Variants in SNTB2 observed in about 807,000 individuals in gnomAD.
SNTB2 encodes beta-2-syntrophin.
A neutral mutation model predicts 46.2 loss-of-function variants in SNTB2; 34 were observed. The ratio of observed to expected loss-of-function variants is 0.74; its 90% confidence interval spans 0.56 to 0.98. The LOEUF (loss-of-function observed/expected upper bound fraction) is 0.98. Among genes scored for constraint, SNTB2 ranks in the 50% least tolerant of loss-of-function variants. The pLI is 0.00. For synonymous variants in SNTB2, 290 were observed against 312.6 expected, an observed-to-expected ratio of 0.93 and a Z score of 0.76; for missense variants, 603 against 731.4, an observed-to-expected ratio of 0.82 and a Z score of 2.02.
At chr16:69,274,608 G>A (rs528503969) in intron 4 of SNTB2, among the ~76,000 whole-genome samples, 31 of 149,162 alleles carry the variant, frequency 2.1e-4, no homozygotes, top group Admixed American at 4.0e-4. Flanking sequence ...AGCCAAGATC[G>A]CGTCACTGCA....
At chr16:69,272,953 T>C (rs536754822) in intron 4 of SNTB2, among the ~76,000 whole-genome samples, 2 of 143,352 alleles carry the variant, frequency 1.4e-5, no homozygotes, top group Non-Finnish European at 3.1e-5. Flanking sequence ...AAAGAAGATA[T>C]ACAAATGGCC....
intron 1 of SNTB2, among the ~76,000 whole-genome samples, chr16:69,232,260 C>T (rs1472448825): frequency 1.3e-5 from 2 of 148,612 alleles, no homozygotes; most frequent in Non-Finnish European, 3.0e-5. Flanking sequence ...GGCTGGAGCG[C>T]AGTGGTGTGA....
At chr16:69,240,871 T>C (rs1354613451) in intron 1 of SNTB2, 1 of 152,464 alleles carries the variant, frequency 6.6e-6, no homozygotes, top group African/African-American at 2.4e-5. Flanking sequence ...TATTTGTTTG[T>C]TTGTTTGAGA....
At chr16:69,297,944 T>G (rs1447919857) in intron 5 of SNTB2, among the ~76,000 whole-genome samples, 1 of 151,872 alleles carries the variant, frequency 6.6e-6, no homozygotes, top group Admixed American at 6.6e-5. Context: ...TCTCTAAATC[T>G]CTCTTTTTAA....
At chr16:69,299,433 G>A (rs945691589) in intron 5 of SNTB2, among the ~76,000 whole-genome samples, 157 bp from the exon 6 acceptor site, 3 of 152,068 alleles carry the variant, frequency 2.0e-5, no homozygotes, top group Non-Finnish European at 2.9e-5. Flanking sequence ...GAGCCACCAC[G>A]CCTAGCACAA....
At chr16:69,196,586 G>A (rs1964108516) in intron 1 of SNTB2, among the ~76,000 whole-genome samples, 1 of 151,962 alleles carries the variant, frequency 6.6e-6, no homozygotes, top group South Asian at 2.1e-4. Context: ...TATTGGTCAG[G>A]CTGGTCTCGA....
intron 2 of SNTB2, 28 bp downstream of exon 2, chr16:69,245,843 A>G: frequency 6.2e-7 from 1 of 1,602,382 alleles, no homozygotes; most frequent in Non-Finnish European, 8.5e-7. Context: ...AGAACATCAT[A>G]CCTACAGCTT....
Position 69,187,498 on chromosome 16 carries a change from C to T in SNTB2, c.332C>T (p.Pro111Leu). The change falls in exon 1 of 7, where the codon CCG (proline) becomes CTG (leucine). Residue 111 changes from proline (P) to leucine (L), a missense_variant. Pro to Leu is a moderately conservative substitution (Grantham distance 98, BLOSUM62 -3). Coordinates refer to ENST00000336278, the MANE Select transcript of SNTB2 (RefSeq NM_006750.4). ...RGPAGEAGAS[P>L]PVRRVRVVKQ... is the part of the protein sequence containing the mutation. ...CCCGCGGGTGAGGCGGGCGCGTCGC[C>T]GCCCGTGCGCCGGGTGCGGGTGGTG... 5.6e-6 allele frequency: 7 copies of T among 1,259,218 alleles called. No individual in the cohort carries two copies. The highest frequency in any genetic ancestry group is 7.0e-6 in the Non-Finnish European group (7 of 994,834). The allele number at this position is 1,259,218 out of a possible 1,614,324, so 78.0% of individuals were successfully genotyped here.
chr16:69,188,906 G>A (rs1200754261), intron 1 of SNTB2, among the ~76,000 whole-genome samples: 1 of 152,232 alleles, frequency 6.6e-6, no homozygotes, highest in Middle Eastern at 3.4e-3. Context: ...ACTTTTTCCC[G>A]AAGCTGAATC....
Position 69,284,186 on chromosome 16 carries a change from C to A in SNTB2, c.1287C>A (p.Thr429=). The A allele has an allele frequency of 6.2e-7, 1 of 1,613,966 alleles. No individual in the cohort carries two copies. The highest frequency in any genetic ancestry group is 8.5e-7 in the Non-Finnish European group (1 of 1,179,984). The part of the protein sequence containing the change: ...VETHRDLSSW[T]RILVQGCHAA... ...CACATCGGGATCTGTCATCCTGGAC[C>A]AGGATACTTGTTCAGGGTTGCCATG... Residue 429 remains threonine (T), a synonymous_variant, in exon 5 of 7, where the codon ACC becomes ACA. Coordinates refer to ENST00000336278, the MANE Select transcript of SNTB2 (RefSeq NM_006750.4).
intron 1 of SNTB2, among the ~76,000 whole-genome samples, chr16:69,196,331 C>T (rs1176149294): frequency 6.6e-6 from 1 of 151,604 alleles, no homozygotes; most frequent in Admixed American, 6.6e-5. Context: ...AGAGCTTACT[C>T]TGCTAAGCTC....
chr16:69,291,775 G>A (rs1014788214), intron 5 of SNTB2, among the ~76,000 whole-genome samples: 8 of 151,982 alleles, frequency 5.3e-5, no homozygotes, highest in Non-Finnish European at 1.0e-4. Context: ...GCGTCTCTAT[G>A]AAAAATTTTG....
At chr16:69,257,457 A>T (rs1392203964) in intron 2 of SNTB2, among the ~76,000 whole-genome samples, 2 of 109,162 alleles carry the variant, frequency 1.8e-5, no homozygotes, top group South Asian at 5.4e-4. Context: ...TTATTTATTT[A>T]TTTTCTTGAG....
chr16:69,269,640 T>G (rs564737248), intron 3 of SNTB2, among the ~76,000 whole-genome samples: 1 of 152,386 alleles, frequency 6.6e-6, no homozygotes, highest in African/African-American at 2.4e-5. Flanking sequence ...ACTCTATTAT[T>G]GTAAGTCTTG....
intron 1 of SNTB2, among the ~76,000 whole-genome samples, chr16:69,193,470 T>G (rs1450347516): frequency 6.6e-6 from 1 of 151,192 alleles, no homozygotes; most frequent in African/African-American, 2.4e-5. Context: ...CTTGGATTAC[T>G]GGTGTGTGCC....
chr16:69,248,330 C>T (rs1362951993), intron 2 of SNTB2, among the ~76,000 whole-genome samples: 4 of 152,022 alleles, frequency 2.6e-5, no homozygotes, highest in Non-Finnish European at 5.9e-5. Flanking sequence ...ATATTCTTTT[C>T]ATAAAGTAAG....
intron 1 of SNTB2, among the ~76,000 whole-genome samples, chr16:69,228,724 C>G (rs1964480837): frequency 6.6e-6 from 1 of 152,000 alleles, no homozygotes; most frequent in Non-Finnish European, 1.5e-5. Context: ...TGTATACATA[C>G]ACACTAAGTA....
chr16:69,244,368 C>T (rs1176612467), intron 1 of SNTB2, among the ~76,000 whole-genome samples: 4 of 152,152 alleles, frequency 2.6e-5, no homozygotes. Context: ...GCTTAGCATA[C>T]CAGGCATCTC....
intron 4 of SNTB2, among the ~76,000 whole-genome samples, chr16:69,278,457 G>GTTTT (rs34221812): frequency 7.1e-6 from 1 of 140,308 alleles, no homozygotes; most frequent in African/African-American, 2.6e-5. Flanking sequence ...TTTTTGTAGG[G>GTTTT]TTTTTTTTTT....
Sources: allele counts gnomAD v4.1 joint callset (sites outside exome capture counted in the v4.1 genomes callset), GRCh38; gene constraint gnomAD v4.1.1; transcripts MANE v1.5; gene names NCBI Gene and HGNC (gene_info 2026-07-23, HGNC 2026-07-21).